The following STIM1 variants were observed in gnomAD, a reference collection of about 807,000 sequenced individuals.
The protein encoded by STIM1 is stromal interaction molecule 1.
A neutral mutation model predicts 74.7 loss-of-function variants in STIM1; 25 were observed. The ratio of observed to expected loss-of-function variants is 0.33; its 90% CI spans 0.24 to 0.47. STIM1 has a LOEUF of 0.47. STIM1 is among the 20% of genes least tolerant of loss of function. STIM1 has a pLI of 1.00. For missense variants in STIM1, 728 were observed against 920.8 expected (o/e 0.79, Z 2.71); for synonymous variants, 328 against 348.8 (o/e 0.94, Z 0.66).
At chr11:4,030,055 C>T (rs1182587694) in intron 3 of STIM1, among the ~76,000 whole-genome samples, 2 of 152,058 alleles carry the variant, frequency 1.3e-5, no homozygotes, top group East Asian at 1.9e-4. Context: ...AGGCCGGGTG[C>T]GGTGGCTCAC....
At chr11:4,005,040 C>T (rs2135931178) in intron 2 of STIM1, among the ~76,000 whole-genome samples, 1 of 152,296 alleles carries the variant, frequency 6.6e-6, no homozygotes, top group South Asian at 2.1e-4. Flanking sequence ...GAGATAGCAT[C>T]TCACACCAGT....
At chr11:4,038,753 A>G (rs1035312355) in intron 3 of STIM1, among the ~76,000 whole-genome samples, 1 of 152,094 alleles carries the variant, frequency 6.6e-6, no homozygotes, top group Non-Finnish European at 1.5e-5. Flanking sequence ...TTCATATACC[A>G]TTATTCTTGG....
chr11:3,999,904 C>T (rs540521770), intron 2 of STIM1, among the ~76,000 whole-genome samples: 10 of 152,290 alleles, frequency 6.6e-5, no homozygotes, highest in African/African-American at 2.4e-4. Flanking sequence ...TTCCGACGGG[C>T]TTAGGAAATG....
intron 2 of STIM1, among the ~76,000 whole-genome samples, chr11:4,002,765 C>T (rs1450558622): frequency 4.7e-5 from 7 of 148,840 alleles, no homozygotes; most frequent in Non-Finnish European, 7.5e-5. Context: ...AATAGAGACA[C>T]AAAAAACCCT....
chr11:3,946,897 G>A (rs901569393), intron 1 of STIM1, among the ~76,000 whole-genome samples: 4 of 152,112 alleles, frequency 2.6e-5, no homozygotes, highest in African/African-American at 4.8e-5. Context: ...TTCCCTCTCT[G>A]TGTCTCAGGC....
At chr11:4,074,380 AGCAGG>A in intron 6 of STIM1, 117 bp from the exon 7 acceptor site, 2 of 1,189,166 alleles carry the variant, frequency 1.7e-6, no homozygotes, top group South Asian at 1.3e-5. Flanking sequence ...CACACAGCAG[AGCAGG>A]GAGAATATAT....
At chr11:3,857,120 T>TTTTTTTTTTTTTTTTTTTTTTTTTTC (rs2090413157) in intron 1 of STIM1, among the ~76,000 whole-genome samples, 1 of 149,586 alleles carries the variant, frequency 6.7e-6, no homozygotes, top group Admixed American at 6.7e-5. Flanking sequence ...TTTTTTTTTT[T>TTTTTTTTTTTTTTTTTTTTTTTTTTC]TTTCCCTGAG....
At chr11:3,855,024 C>T (rs1406938337), upstream of STIM1, 5 of 152,280 alleles carry the variant, frequency 3.3e-5, no homozygotes, top group Non-Finnish European at 5.9e-5. Flanking sequence ...GCGCCGAGTC[C>T]TGTCTGCAGT....
rs1172162612 is a variant in STIM1 at position 4,020,585 on chromosome 11, C to CT, written c.271-3278dup. Among the ~76,000 whole-genome samples the CT allele has an allele frequency of 3.9e-3, 577 of 149,018 alleles. 3 individuals are homozygous for CT. The highest frequency in any genetic ancestry group is 0.013 in the African/African-American group (547 of 40,638). On this transcript the variant is annotated intron_variant, in intron 2 of 12. Transcript: ENST00000526596. ...GCATATTTTTCACATATCTTTTGGA[C>CT]TTTTTTTTTTCTTTTTTCTCTGAGA...
At chr11:4,078,190 T>C (rs1468443903) in intron 7 of STIM1, among the ~76,000 whole-genome samples, 1 of 152,216 alleles carries the variant, frequency 6.6e-6, no homozygotes, top group African/African-American at 2.4e-5. Flanking sequence ...ACTGATCACC[T>C]CAAGCCAATC....
At chr11:3,975,178 T>G (rs2093434693) in intron 2 of STIM1, among the ~76,000 whole-genome samples, 1 of 152,214 alleles carries the variant, frequency 6.6e-6, no homozygotes, top group East Asian at 1.9e-4. Flanking sequence ...CAGATTATAG[T>G]AGTCTAGTGA....
chr11:3,917,044 AG>A (rs1262659032), intron 1 of STIM1, among the ~76,000 whole-genome samples: 3 of 152,216 alleles, frequency 2.0e-5, no homozygotes, highest in Admixed American at 1.3e-4. Context: ...TGATAGGTTT[AG>A]GGGCAACTTT....
chr11:4,087,583 C>T (rs184303989), intron 12 of STIM1, among the ~76,000 whole-genome samples: 2 of 151,998 alleles, frequency 1.3e-5, no homozygotes, highest in East Asian at 1.9e-4. Context: ...GGCCTCTACC[C>T]GTTAGGAGAT....
chr11:3,952,227 A>G (rs2093158121), intron 1 of STIM1, among the ~76,000 whole-genome samples: 1 of 152,110 alleles, frequency 6.6e-6, no homozygotes, highest in African/African-American at 2.4e-5. Flanking sequence ...AGACTGGGCA[A>G]CATAGTGAAA....
At chr11:3,926,035 G>A (rs1044222272) in intron 1 of STIM1, among the ~76,000 whole-genome samples, 4 of 152,078 alleles carry the variant, frequency 2.6e-5, no homozygotes, top group African/African-American at 9.7e-5. Flanking sequence ...CTCATATTAG[G>A]TATAGAAGGG....
intron 12 of STIM1, among the ~76,000 whole-genome samples, 199 bp from the exon 13 acceptor site, chr11:4,091,083 G>T (rs895163942): frequency 2.0e-5 from 3 of 151,178 alleles, no homozygotes; most frequent in Admixed American, 1.3e-4. Flanking sequence ...TATACTTATG[G>T]CTGCTCAACT....
intron 11 of STIM1, 34 bp from the exon 12 acceptor site, chr11:4,086,443 G>GC: frequency 6.2e-7 from 1 of 1,611,496 alleles, no homozygotes; most frequent in Non-Finnish European, 8.5e-7. Context: ...AAGTGGGCTG[G>GC]CCCCTCCTGA....
At chr11:3,934,868 C>G (rs960758022) in intron 1 of STIM1, among the ~76,000 whole-genome samples, 1 of 152,182 alleles carries the variant, frequency 6.6e-6, no homozygotes, top group African/African-American at 2.4e-5. Context: ...TTCTAAGTCC[C>G]TGGGCTTGAC....
intron 3 of STIM1, among the ~76,000 whole-genome samples, chr11:4,031,058 C>G (rs1249329233): frequency 3.9e-5 from 6 of 152,162 alleles, no homozygotes; most frequent in Non-Finnish European, 7.4e-5. Context: ...CCTTTGTAGT[C>G]TCTGCTCCCC....
Sources: gnomAD v4.1 joint callset for allele counts (sites outside exome capture counted in the v4.1 genomes callset) on GRCh38, gnomAD v4.1.1 for gene constraint, MANE v1.5 for transcripts, NCBI Gene and HGNC (gene_info 2026-07-23, HGNC 2026-07-21) for gene names.